The following RPH3A variants were observed in gnomAD, a reference collection of about 807,000 sequenced individuals.
The protein encoded by RPH3A is rabphilin-3A.
In RPH3A, 48 loss-of-function variants were observed where a neutral mutation model predicts 102.2. The observed-to-expected ratio is 0.47, with a 90% confidence interval of 0.37 to 0.60. The LOEUF (loss-of-function observed/expected upper bound fraction) is 0.60. Ranked by LOEUF, RPH3A falls within the 20% of genes least tolerant of loss-of-function variation. RPH3A has a pLI of 0.00. For synonymous variants in RPH3A, 310 were observed against 324.3 expected (o/e 0.96, Z 0.47); for missense variants, 781 against 910.1 (o/e 0.86, Z 1.83).
intron 1 of RPH3A, among the ~76,000 whole-genome samples, chr12:112,739,355 C>T (rs759127235): frequency 6.6e-6 from 1 of 152,128 alleles, no homozygotes; most frequent in Non-Finnish European, 1.5e-5. Context: ...CCTCCATTTT[C>T]CAGTGGAGGA....
At chr12:112,707,319 C>T (rs1339550649) in intron 1 of RPH3A, among the ~76,000 whole-genome samples, 3 of 152,198 alleles carry the variant, frequency 2.0e-5, no homozygotes, top group Non-Finnish European at 4.4e-5. Context: ...CCATCACCAT[C>T]CACATCATTA....
At chr12:112,682,381 G>C (rs1334666491) in intron 1 of RPH3A, among the ~76,000 whole-genome samples, 1 of 145,410 alleles carries the variant, frequency 6.9e-6, no homozygotes. Context: ...TCTGTTCTTG[G>C]ATGATGCCTA....
intron 1 of RPH3A, among the ~76,000 whole-genome samples, chr12:112,768,396 A>G (rs1324781254): frequency 6.6e-6 from 1 of 152,034 alleles, no homozygotes; most frequent in East Asian, 1.9e-4. Flanking sequence ...TTCCTCTCTC[A>G]TCTTCTGGGA....
At chr12:112,583,900 C>T (rs767138225) in intron 1 of RPH3A, among the ~76,000 whole-genome samples, 8 of 152,130 alleles carry the variant, frequency 5.3e-5, no homozygotes, top group Non-Finnish European at 1.0e-4. Flanking sequence ...TCAGGAGAAT[C>T]GCTTGAGCCT....
chr12:112,796,573 T>C (rs990248756), intron 2 of RPH3A, among the ~76,000 whole-genome samples: 3 of 152,232 alleles, frequency 2.0e-5, no homozygotes, highest in Non-Finnish European at 4.4e-5. Flanking sequence ...TTAGTATTGA[T>C]TATGATGAGT....
chr12:112,702,407 A>G (rs1044553573), intron 1 of RPH3A, among the ~76,000 whole-genome samples: 2 of 152,190 alleles, frequency 1.3e-5, no homozygotes, highest in African/African-American at 4.8e-5. Context: ...GGAGATCAGG[A>G]GTTATTCACA....
chr12:112,866,212 G>C (rs1232698707), intron 6 of RPH3A, among the ~76,000 whole-genome samples: 1 of 152,104 alleles, frequency 6.6e-6, no homozygotes, highest in Non-Finnish European at 1.5e-5. Context: ...CTTGCGAAAA[G>C]TTTATTCTGA....
At chr12:112,589,366 C>T (rs1454133021) in intron 1 of RPH3A, among the ~76,000 whole-genome samples, 1 of 152,190 alleles carries the variant, frequency 6.6e-6, no homozygotes, top group Non-Finnish European at 1.5e-5. Context: ...CTGTCCTCAA[C>T]TCTGCTCCTG....
chr12:112,791,904 G>GAGAGAGAGAGAGAGAGAGAGAGAGAC lies in RPH3A; in HGVS notation c.-247_-246insGAGAGAGAGAGAGAGAGAGAGAGACA, dbSNP rs1565882517. ...AGAGAGAGAGAGAGAGAGAGAGAGA[G>GAGAGAGAGAGAGAGAGAGAGAGAGAC]ACTCACAGAGCTAAAACCTTCATCC... On this transcript the variant is annotated 5_prime_UTR_variant, in exon 1 of 22. Coordinates refer to ENST00000389385, the MANE Select transcript of RPH3A (RefSeq NM_001143854.2). The GAGAGAGAGAGAGAGAGAGAGAGAGAC allele has an allele frequency of 2.6e-5, 4 of 151,118 alleles. No homozygotes were observed. The highest frequency in any genetic ancestry group is 4.4e-5 in the Non-Finnish European group (3 of 67,764). The allele number at this position is 151,118 out of a possible 1,614,324, so 9.4% of individuals were successfully genotyped here.
At chr12:112,686,058 C>T (rs954362117) in intron 1 of RPH3A, among the ~76,000 whole-genome samples, 2 of 152,138 alleles carry the variant, frequency 1.3e-5, no homozygotes, top group Admixed American at 6.5e-5. Flanking sequence ...ATGACTCCCT[C>T]GTTCTCCAGG....
At chr12:112,734,719 G>A (rs2040656468) in intron 1 of RPH3A, among the ~76,000 whole-genome samples, 1 of 152,128 alleles carries the variant, frequency 6.6e-6, no homozygotes, top group South Asian at 2.1e-4. Flanking sequence ...AGAACTGAGG[G>A]TTCCTCTCCT....
chr12:112,679,232 C>A (rs908531758), intron 1 of RPH3A, among the ~76,000 whole-genome samples: 10 of 152,228 alleles, frequency 6.6e-5, no homozygotes, highest in African/African-American at 2.2e-4. Context: ...CGGCTCACTG[C>A]AACCTCTGCC....
At chr12:112,883,842 T>C (rs1565942618) in intron 16 of RPH3A, among the ~76,000 whole-genome samples, 1 of 149,920 alleles carries the variant, frequency 6.7e-6, no homozygotes, top group Non-Finnish European at 1.5e-5. Flanking sequence ...GTTTTTGCCA[T>C]TAGAAGTAAT....
intron 1 of RPH3A, among the ~76,000 whole-genome samples, chr12:112,591,939 C>G (rs1229068355): frequency 2.6e-5 from 4 of 152,166 alleles, no homozygotes; most frequent in Non-Finnish European, 5.9e-5. Flanking sequence ...CCTTGGATAC[C>G]AAAACCTGTG....
At chr12:112,654,505 C>T (rs1166037760) in intron 1 of RPH3A, among the ~76,000 whole-genome samples, 1 of 152,030 alleles carries the variant, frequency 6.6e-6, no homozygotes, top group East Asian at 1.9e-4. Context: ...TCATCCACAC[C>T]CGGGTTAAAG....
intron 2 of RPH3A, among the ~76,000 whole-genome samples, chr12:112,820,996 C>T (rs1473256876): frequency 6.6e-6 from 1 of 152,186 alleles, no homozygotes; most frequent in Non-Finnish European, 1.5e-5. Context: ...AAGCTCTTGT[C>T]GTTTCAGCCT....
rs1298388666 is a variant in RPH3A at position 112,713,010 on chromosome 12, C to T, written c.-139-79133C>T. ...TCGTCTTTGTCTTCCTCTTCCTCTT[C>T]CTCTTCCTCTTCCTCTTCTTCTTCT... is the stretch of plus-strand genomic sequence containing the variant. On this transcript the variant is annotated intron_variant, in intron 1 of 21. Transcript: ENST00000543106. Among the ~76,000 whole-genome samples, 102 of 73,580 alleles carry T rather than the reference C, an allele frequency of 1.4e-3. 6 individuals are homozygous for T. The highest frequency in any genetic ancestry group is 3.9e-3 in the African/African-American group (64 of 16,584). The allele number at this position is 73,580 out of a possible 152,430, so 48.3% of individuals were successfully genotyped here.
upstream of RPH3A, chr12:112,791,165 C>T (rs2041095346): frequency 6.6e-6 from 1 of 152,138 alleles, no homozygotes; most frequent in Non-Finnish European, 1.5e-5. Flanking sequence ...GCTCTGAATT[C>T]TGAGAAACTC....
intron 1 of RPH3A, among the ~76,000 whole-genome samples, chr12:112,588,508 C>G (rs1014073648): frequency 2.6e-5 from 4 of 152,200 alleles, no homozygotes; most frequent in African/African-American, 9.6e-5. Flanking sequence ...AATTATCTCC[C>G]ACGGGGTCCC....
Sources: allele counts gnomAD v4.1 joint callset (sites outside exome capture counted in the v4.1 genomes callset), GRCh38; gene constraint gnomAD v4.1.1; transcripts MANE v1.5; gene names NCBI Gene and HGNC (gene_info 2026-07-23, HGNC 2026-07-21).